Variants in CNTN5 observed in about 807,000 individuals in gnomAD.
CNTN5 encodes contactin 5.
A neutral mutation model predicts 129.1 loss-of-function variants in CNTN5; 77 were observed. The observed-to-expected ratio is 0.60, with a 90% CI of 0.50 to 0.72. The LOEUF (loss-of-function observed/expected upper bound fraction) is 0.72, where lower values mean the gene tolerates loss of function less well. Among genes scored for constraint, CNTN5 ranks in the 30% least tolerant of loss-of-function variants. CNTN5 has a pLI of 0.00. For synonymous variants in CNTN5, 509 were observed against 465.6 expected (o/e 1.09, Z -1.20); for missense variants, 1,478 against 1,328.8 (o/e 1.11, Z -1.75).
intron 9 of CNTN5, among the ~76,000 whole-genome samples, chr11:100,031,645 C>A (rs185571420): frequency 2.0e-4 from 31 of 152,320 alleles, no homozygotes; most frequent in Admixed American, 7.2e-4. Context: ...GCTTTTGCTG[C>A]AACTGTTACT....
chr11:99,519,097 C>A (rs1021210988), intron 2 of CNTN5, among the ~76,000 whole-genome samples: 1 of 152,050 alleles, frequency 6.6e-6, no homozygotes, highest in Non-Finnish European at 1.5e-5. Flanking sequence ...CCATCTCCAA[C>A]TTCACTAGGC....
At chr11:99,914,781 G>C (rs1051868379) in intron 6 of CNTN5, among the ~76,000 whole-genome samples, 3 of 151,886 alleles carry the variant, frequency 2.0e-5, no homozygotes, top group African/African-American at 7.3e-5. Flanking sequence ...CTACTTATTA[G>C]ACCCCCATGA....
In CNTN5 at chr11:99,857,039, T is replaced by TCTCTCCCTCCCTCC. The variant is rs1948060268; in HGVS notation, c.577+11782_577+11783insCCTCCCTCCCTCTC. Reference sequence around the variant, plus strand: ...CTCTCTATCTATCTCTATCTCCCTCTCTCTCTCCCTCCCTCCCTCTCTCCC... The same window carrying TCTCTCCCTCCCTCC: ...CTCTCTATCTATCTCTATCTCCCTCTCTCTCCCTCCCTCCCTCTCTCCCTCCCTCCCTCTCTCCC... On this transcript the variant is annotated intron_variant, in intron 6 of 24. Transcript: ENST00000524871. 4.7e-5 allele frequency among the ~76,000 whole-genome samples: 7 copies of TCTCTCCCTCCCTCC among 149,628 alleles called. 1 individual carries two copies. The highest frequency in any genetic ancestry group is 1.8e-4 in the African/African-American group (7 of 39,958).
intron 3 of CNTN5, among the ~76,000 whole-genome samples, chr11:99,807,873 G>C (rs1180675799): frequency 1.3e-5 from 2 of 152,022 alleles, no homozygotes; most frequent in Non-Finnish European, 2.9e-5. Context: ...TTGTTCTGTA[G>C]TGCGCATATA....
At chr11:100,038,892 A>T (rs1394025087) in intron 9 of CNTN5, among the ~76,000 whole-genome samples, 1 of 152,164 alleles carries the variant, frequency 6.6e-6, no homozygotes, top group Non-Finnish European at 1.5e-5. Context: ...TCCTGAATAC[A>T]GCACACTGAT....
At chr11:99,368,837 G>A (rs1039453518) in intron 2 of CNTN5, among the ~76,000 whole-genome samples, 9 of 152,098 alleles carry the variant, frequency 5.9e-5, no homozygotes, top group Non-Finnish European at 1.3e-4. Context: ...TGCAATAGGG[G>A]AGAGAGAGTG....
At chr11:100,305,172 G>A (rs1951319402) in intron 20 of CNTN5, among the ~76,000 whole-genome samples, 1 of 151,524 alleles carries the variant, frequency 6.6e-6, no homozygotes, top group Non-Finnish European at 1.5e-5. Flanking sequence ...CCAAGTTCTA[G>A]CTTTTTCACA....
chr11:99,874,078 G>T (rs1020382624), intron 6 of CNTN5, among the ~76,000 whole-genome samples: 1 of 152,048 alleles, frequency 6.6e-6, no homozygotes, highest in East Asian at 1.9e-4. Flanking sequence ...AGGAAGGAAT[G>T]GGGATTTGAA....
At chr11:99,875,365 G>A (rs1948605983) in intron 6 of CNTN5, among the ~76,000 whole-genome samples, 1 of 152,012 alleles carries the variant, frequency 6.6e-6, no homozygotes, top group African/African-American at 2.4e-5. Flanking sequence ...TATCATAACT[G>A]GGAAGTTGAT....
intron 3 of CNTN5, among the ~76,000 whole-genome samples, chr11:99,695,434 C>T (rs1954227146): frequency 6.6e-6 from 1 of 151,988 alleles, no homozygotes; most frequent in Admixed American, 6.6e-5. Context: ...GGCTAAAACT[C>T]AGAGACATGG....
intron 7 of CNTN5, among the ~76,000 whole-genome samples, chr11:99,934,482 A>G (rs1386263854): frequency 6.6e-6 from 1 of 152,196 alleles, no homozygotes; most frequent in Non-Finnish European, 1.5e-5. Context: ...TAATTGCTAT[A>G]TTTGTCTCAT....
intron 13 of CNTN5, among the ~76,000 whole-genome samples, chr11:100,083,221 G>A (rs888914248): frequency 4.0e-5 from 6 of 151,664 alleles, no homozygotes; most frequent in Admixed American, 2.0e-4. Flanking sequence ...GGAGGATGAG[G>A]CAGGAGAATC....
intron 1 of CNTN5, among the ~76,000 whole-genome samples, chr11:99,154,114 G>T (rs1027454760): frequency 6.6e-6 from 1 of 152,148 alleles, no homozygotes; most frequent in East Asian, 1.9e-4. Flanking sequence ...AGGATGATCT[G>T]TGCTTGCTTG....
At chr11:100,094,082 A>G (rs918624807) in intron 13 of CNTN5, among the ~76,000 whole-genome samples, 3 of 152,240 alleles carry the variant, frequency 2.0e-5, no homozygotes, top group South Asian at 2.1e-4. Flanking sequence ...ACATCTGACA[A>G]TGAGAAAAGA....
At chr11:99,034,423 A>G (rs1436027732) in intron 1 of CNTN5, among the ~76,000 whole-genome samples, 1 of 151,612 alleles carries the variant, frequency 6.6e-6, no homozygotes, top group Non-Finnish European at 1.5e-5. Flanking sequence ...TTGGTAAGCT[A>G]TTGATTATTG....
At chr11:99,462,697 T>G (rs1251651061) in intron 2 of CNTN5, among the ~76,000 whole-genome samples, 1 of 152,198 alleles carries the variant, frequency 6.6e-6, no homozygotes, top group African/African-American at 2.4e-5. Flanking sequence ...ACCTGAAACC[T>G]ATACTGTAAT....
intron 3 of CNTN5, among the ~76,000 whole-genome samples, chr11:99,587,358 T>C (rs933487013): frequency 6.6e-6 from 1 of 152,096 alleles, no homozygotes; most frequent in Non-Finnish European, 1.5e-5. Flanking sequence ...AACAAAACAA[T>C]GCACAAGGTA....
chr11:99,083,109 A>G (rs562256624), intron 1 of CNTN5, among the ~76,000 whole-genome samples: 3 of 152,172 alleles, frequency 2.0e-5, no homozygotes, highest in African/African-American at 7.2e-5. Context: ...TTGTTCATCA[A>G]TTATTTACTT....
chr11:99,639,772 C>T (rs983446005), intron 3 of CNTN5, among the ~76,000 whole-genome samples: 1 of 151,986 alleles, frequency 6.6e-6, no homozygotes, highest in African/African-American at 2.4e-5. Flanking sequence ...CCATGTTGGT[C>T]AGGCTGGTCT....
Sources: gnomAD v4.1 joint callset for allele counts (sites outside exome capture counted in the v4.1 genomes callset) on GRCh38, gnomAD v4.1.1 for gene constraint, MANE v1.5 for transcripts, NCBI Gene and HGNC (gene_info 2026-07-23, HGNC 2026-07-21) for gene names.